RASGRP3: variants seen among roughly 807,000 people sequenced by gnomAD.
The protein encoded by RASGRP3 is RAS guanyl releasing protein 3, also known as ras guanyl-releasing protein 3.
Under a neutral mutation model 82.7 loss-of-function variants are expected in RASGRP3, and 54 were observed. The ratio of observed to expected loss-of-function variants is 0.65; its 90% confidence interval spans 0.52 to 0.82. The LOEUF (loss-of-function observed/expected upper bound fraction) is 0.82. RASGRP3 is among the 40% of genes least tolerant of loss of function. RASGRP3 has a pLI of 0.00. For synonymous variants in RASGRP3, 309 were observed against 300.5 expected (o/e 1.03, Z -0.29); for missense variants, 861 against 828.9 (o/e 1.04, Z -0.48).
chr2:33,558,128 G>A (rs1193218913), intron 15 of RASGRP3, 83 bp from the exon 16 acceptor site: 3 of 1,515,548 alleles, frequency 2.0e-6, no homozygotes, highest in Non-Finnish European at 1.8e-6. Flanking sequence ...GGGGAGGGGA[G>A]GGCTGACAAA....
At chr2:33,562,238 A>G (rs913942943) in intron 17 of RASGRP3, among the ~76,000 whole-genome samples, 1 of 148,754 alleles carries the variant, frequency 6.7e-6, no homozygotes, top group Non-Finnish European at 1.5e-5. Context: ...AAGAGTTCAT[A>G]TGCTGGGTGA....
chr2:33,536,214 A>C (rs1418629509), intron 11 of RASGRP3, among the ~76,000 whole-genome samples: 1 of 151,232 alleles, frequency 6.6e-6, no homozygotes, highest in African/African-American at 2.4e-5. Context: ...AGGCGGGAGG[A>C]TCACTCGAAT....
At chr2:33,544,128 A>G (rs567846851) in intron 13 of RASGRP3, among the ~76,000 whole-genome samples, 1 of 152,182 alleles carries the variant, frequency 6.6e-6, no homozygotes, top group Admixed American at 6.5e-5. Flanking sequence ...AGCCTGGCCA[A>G]CATGGTGAAA....
intron 2 of RASGRP3, among the ~76,000 whole-genome samples, chr2:33,463,278 A>G (rs915568950): frequency 2.6e-5 from 4 of 152,252 alleles, no homozygotes; most frequent in Admixed American, 1.3e-4. Context: ...AGATGATTAG[A>G]TGGACAGAGA....
chr2:33,502,679 A>AT (rs1293501771), intron 1 of RASGRP3, among the ~76,000 whole-genome samples: 1 of 151,466 alleles, frequency 6.6e-6, no homozygotes, highest in South Asian at 2.1e-4. Context: ...CACCCAGCTA[A>AT]TTTTTTTGTA....
At chr2:33,520,511 C>T in intron 5 of RASGRP3, 42 bp from the exon 6 acceptor site, 1 of 1,609,704 alleles carries the variant, frequency 6.2e-7, no homozygotes, top group Non-Finnish European at 8.5e-7. Context: ...AGATAACCAA[C>T]TTGCAATCTT....
intron 2 of RASGRP3, among the ~76,000 whole-genome samples, chr2:33,448,804 A>C (rs988818109): frequency 2.6e-5 from 4 of 152,204 alleles, no homozygotes; most frequent in African/African-American, 9.6e-5. Flanking sequence ...AAAATGGTCA[A>C]AATAGCAAAT....
chr2:33,469,088 A>G (rs576075085), intron 2 of RASGRP3, among the ~76,000 whole-genome samples: 1 of 152,242 alleles, frequency 6.6e-6, no homozygotes, highest in East Asian at 1.9e-4. Flanking sequence ...TGTTTAATGT[A>G]TACTCCTTTT....
At position 33,534,410 on chromosome 2, in the gene RASGRP3, AT is replaced by A. The variant is rs1558497684; in HGVS notation, c.1161+14del. On this transcript the variant is annotated intron_variant, in intron 11 of 17. Transcript: ENST00000403687. The stretch of plus-strand genomic sequence containing the variant: ...TAGAAATTCTAAATCGGTAGGTATT[AT>A]TTTCTCTCCAAGGATCAGTACCAAT... 1 of 1,514,718 alleles carries A rather than the reference AT, an allele frequency of 6.6e-7. No individual in the cohort carries two copies. The highest frequency in any genetic ancestry group is 9.1e-7 in the Non-Finnish European group (1 of 1,097,694). 93.8% of individuals were successfully genotyped at this position (1,514,718 alleles called of 1,614,324 possible). A position where few individuals can be genotyped will look rare whatever the true frequency, so the allele number is the denominator to read the frequency against.
At chr2:33,452,837 G>T (rs1012575350) in intron 2 of RASGRP3, among the ~76,000 whole-genome samples, 1 of 152,176 alleles carries the variant, frequency 6.6e-6, no homozygotes, top group African/African-American at 2.4e-5. Flanking sequence ...ATAGAGGCCT[G>T]CTTGCAGCCT....
At chr2:33,516,760 C>A in intron 4 of RASGRP3, 116 bp downstream of exon 4, 1 of 711,410 alleles carries the variant, frequency 1.4e-6, no homozygotes, top group Non-Finnish European at 2.3e-6. Flanking sequence ...GGTTATCCAG[C>A]TGTTTTGTGA....
upstream of RASGRP3, among the ~76,000 whole-genome samples, chr2:33,475,405 A>G (rs965449362): frequency 4.5e-4 from 68 of 152,320 alleles, 1 homozygote; most frequent in African/African-American, 1.4e-3. Flanking sequence ...TATGAGACAA[A>G]GCCTAAATAT....
intron 17 of RASGRP3, among the ~76,000 whole-genome samples, chr2:33,561,773 C>T (rs539749169): frequency 2.0e-5 from 3 of 152,138 alleles, no homozygotes; most frequent in Non-Finnish European, 4.4e-5. Flanking sequence ...TTTCCTCCAA[C>T]GGAGTTCCAG....
At chr2:33,517,214 T>C (rs1323384800) in intron 4 of RASGRP3, among the ~76,000 whole-genome samples, 1 of 152,244 alleles carries the variant, frequency 6.6e-6, no homozygotes, top group Non-Finnish European at 1.5e-5. Context: ...GAAACACCAT[T>C]CCGTAATGAA....
chr2:33,503,223 G>T (rs1037286291), intron 1 of RASGRP3, among the ~76,000 whole-genome samples: 3 of 151,832 alleles, frequency 2.0e-5, no homozygotes, highest in Non-Finnish European at 4.4e-5. Context: ...AATTTTTTTT[G>T]TTCTGATAAG....
At chr2:33,551,184 G>A (rs896186005) in intron 14 of RASGRP3, among the ~76,000 whole-genome samples, 8 of 152,104 alleles carry the variant, frequency 5.3e-5, no homozygotes, top group Admixed American at 2.0e-4. Context: ...ATGGTGGCAG[G>A]TGCCTGTAAT....
intron 2 of RASGRP3, among the ~76,000 whole-genome samples, chr2:33,514,516 A>AAAAAC (rs1382809672): frequency 6.7e-6 from 1 of 149,612 alleles, no homozygotes; most frequent in Non-Finnish European, 1.5e-5. Flanking sequence ...AAAAAAAAAA[A>AAAAAC]AAAAAAAAAA....
Position 33,558,655 on chromosome 2 carries a change from C to T in RASGRP3, c.1706-17C>T, listed in dbSNP as rs2151117311. 3.2e-6 allele frequency: 5 copies of T among 1,567,944 alleles called. No individual in the cohort carries two copies. Among genetic ancestry groups the T allele is most frequent in the South Asian group, 1.2e-5 (1 of 83,420 alleles). ...GCAGTCAGATGTCAAATAATCACCACCCTTTTTCACTTCCAGCGCAGGATG... is the reference window on the plus strand; with the variant it reads ...GCAGTCAGATGTCAAATAATCACCATCCTTTTTCACTTCCAGCGCAGGATG... On this transcript the variant is annotated splice_polypyrimidine_tract_variant and intron_variant, in intron 16 of 17. Transcript: ENST00000403687.
intron 2 of RASGRP3, among the ~76,000 whole-genome samples, chr2:33,512,179 C>T (rs149019116): frequency 5.9e-5 from 9 of 152,320 alleles, no homozygotes; most frequent in Admixed American, 2.6e-4. Flanking sequence ...GATAGCCCGG[C>T]CCACCTGGCC....
Sources: allele counts gnomAD v4.1 joint callset (sites outside exome capture counted in the v4.1 genomes callset), GRCh38; gene constraint gnomAD v4.1.1; transcripts MANE v1.5; gene names NCBI Gene and HGNC (gene_info 2026-07-23, HGNC 2026-07-21).